The following RGSL1 variants were observed in gnomAD, a reference collection of about 807,000 sequenced individuals.
The protein encoded by RGSL1 is regulator of G protein signaling protein-like.
A neutral mutation model predicts 124.7 loss-of-function variants in RGSL1; 97 were observed. The observed-to-expected ratio is 0.78, with a 90% confidence interval of 0.66 to 0.92. The LOEUF (loss-of-function observed/expected upper bound fraction) is 0.92. Among genes scored for constraint, RGSL1 ranks in the 40% least tolerant of loss-of-function variants. The pLI is 0.00. For synonymous variants in RGSL1, 424 were observed against 438.1 expected (o/e 0.97, Z 0.40); for missense variants, 1,233 against 1,288.4 (o/e 0.96, Z 0.66).
At chr1:182,503,229 A>G (rs916648969) in intron 9 of RGSL1, among the ~76,000 whole-genome samples, 3 of 152,206 alleles carry the variant, frequency 2.0e-5, no homozygotes, top group Non-Finnish European at 4.4e-5. Flanking sequence ...ACTGTTCATG[A>G]TAGCCAAGAT....
At chr1:182,516,014 A>G (rs1000066014) in intron 9 of RGSL1, among the ~76,000 whole-genome samples, 4 of 152,240 alleles carry the variant, frequency 2.6e-5, no homozygotes, top group African/African-American at 9.6e-5. Context: ...TCAAACCGTG[A>G]AAGAAGAGAT....
intron 15 of RGSL1, among the ~76,000 whole-genome samples, chr1:182,541,910 T>A (rs1220324557): frequency 6.6e-6 from 1 of 152,218 alleles, no homozygotes; most frequent in South Asian, 2.1e-4. Context: ...TTTTGCACTT[T>A]AAAAAATCAG....
rs1302304253 is a variant in RGSL1 at position 182,454,932 on chromosome 1, G to A, written c.96+892G>A. Among the ~76,000 whole-genome samples the A allele has an allele frequency of 1.4e-4, 21 of 152,062 alleles. 2 individuals carry two copies. The highest frequency in any genetic ancestry group is 1.4e-3 in the Admixed American group (21 of 15,266). The stretch of plus-strand genomic sequence containing the variant: ...CCCATAAGATGGTATATACTAAAAG[G>A]CGAAATTTCAGTCAAGTGGGAGAAG... On this transcript the variant is annotated intron_variant, in intron 2 of 21. Coordinates refer to ENST00000294854, the MANE Select transcript of RGSL1 (RefSeq NM_001137669.2).
At chr1:182,549,219 A>G (rs1259036696) in intron 17 of RGSL1, 1 of 183,294 alleles carries the variant, frequency 5.5e-6, no homozygotes, top group Non-Finnish European at 1.2e-5. Context: ...AAAGTAAGCC[A>G]GAAGTGTTTT....
Position 182,518,649 on chromosome 1 carries a change from C to T in RGSL1, c.1826-3355C>T, listed in dbSNP as rs116962084. 5.7e-4 allele frequency among the ~76,000 whole-genome samples: 87 copies of T among 152,310 alleles called. 1 individual carries two copies. The East Asian group carries it at 0.016, about 28-fold the overall frequency. On this transcript the variant is annotated intron_variant, in intron 9 of 21. Coordinates refer to ENST00000294854, the MANE Select transcript of RGSL1 (RefSeq NM_001137669.2). ...GGAGAAGCTGCTTTTAAACCTCAAT[C>T]TCACTTTTTGCATTGTAGAAACAGC...
chr1:182,464,722 C>T (rs1172813316), intron 4 of RGSL1, among the ~76,000 whole-genome samples: 1 of 138,444 alleles, frequency 7.2e-6, no homozygotes, highest in African/African-American at 2.7e-5. Flanking sequence ...AGACTCTGCT[C>T]AGAAGAAAAA....
chr1:182,521,980 C>T, intron 9 of RGSL1, 24 bp from the exon 10 acceptor site: 1 of 1,439,080 alleles, frequency 6.9e-7, no homozygotes, highest in Non-Finnish European at 9.5e-7. Context: ...ATAGTGTTCT[C>T]CAACTTAGTG....
chr1:182,480,879 AT>A (rs1465069007), intron 6 of RGSL1, among the ~76,000 whole-genome samples: 1 of 152,216 alleles, frequency 6.6e-6, no homozygotes, highest in African/African-American at 2.4e-5. Context: ...CTCAAAAAAA[AT>A]CAAAAAGGGC....
intron 18 of RGSL1, among the ~76,000 whole-genome samples, chr1:182,551,934 G>C (rs1453618009): frequency 6.6e-6 from 1 of 152,144 alleles, no homozygotes; most frequent in Non-Finnish European, 1.5e-5. Context: ...GTAGCATGCT[G>C]TATAGGTTTG....
At chr1:182,464,527 C>T (rs992365497) in intron 4 of RGSL1, among the ~76,000 whole-genome samples, 1 of 152,004 alleles carries the variant, frequency 6.6e-6, no homozygotes, top group African/African-American at 2.4e-5. Context: ...AGCTCGAGAC[C>T]AGCCTGGCCA....
In RGSL1 at chr1:182,548,395, G is replaced by T. The variant is rs1323325862; in HGVS notation, c.2748G>T (p.Arg916=). 5 of 1,551,770 alleles carry T rather than the reference G, an allele frequency of 3.2e-6. No individual in the cohort carries two copies. The South Asian group carries it at 4.8e-5, about 15-fold the overall frequency. ...AYNENDVILM[R]SKMNIIQKLF... is the part of the protein sequence containing the mutation. ...ATGAGAATGATGTGATCCTAATGCGGTCCAAAATGAACATTATCCAAAAAC... is the reference window on the plus strand; with the variant it reads ...ATGAGAATGATGTGATCCTAATGCGTTCCAAAATGAACATTATCCAAAAAC... Residue 916 remains arginine, a synonymous_variant, in exon 16 of 22, where the codon CGG becomes CGT. Coordinates refer to ENST00000294854, the MANE Select transcript of RGSL1 (RefSeq NM_001137669.2).
intron 8 of RGSL1, among the ~76,000 whole-genome samples, chr1:182,490,915 CTTT>C (rs10676767): frequency 2.3e-5 from 3 of 129,030 alleles, no homozygotes. Context: ...AGAACATTAT[CTTT>C]TTTTTTTTTT....
At chr1:182,460,689 G>A (rs780271056) in intron 4 of RGSL1, 2 of 456,046 alleles carry the variant, frequency 4.4e-6, no homozygotes, top group South Asian at 3.1e-5. Flanking sequence ...GGAAGATGAT[G>A]AAATAGGAAG....
In RGSL1 at chr1:182,530,266, C is replaced by T. The variant is rs886185812; in HGVS notation, c.2148C>T (p.Ala716=). ...LSPEEMLQCD[A]PIIKEIASMR... is the part of the protein sequence containing the mutation. ...TAGAAGAAATGCTGCAGTGTGATGCCCCTATTATCAAAGAAATCGCTTCCA... is the reference window on the plus strand; with the variant it reads ...TAGAAGAAATGCTGCAGTGTGATGCTCCTATTATCAAAGAAATCGCTTCCA... Residue 716 remains alanine (A), a synonymous_variant, in exon 12 of 22, where the codon GCC becomes GCT. Coordinates refer to ENST00000294854, the MANE Select transcript of RGSL1 (RefSeq NM_001137669.2). The T allele has an allele frequency of 7.1e-6, 11 of 1,550,604 alleles. No homozygotes were observed. In the Admixed American group the frequency reaches 1.2e-4, roughly 17 times the overall value.
chr1:182,559,708 C>G (rs989428330), intron 21 of RGSL1, among the ~76,000 whole-genome samples: 1 of 152,158 alleles, frequency 6.6e-6, no homozygotes, highest in African/African-American at 2.4e-5. Flanking sequence ...CCAGGTTTAT[C>G]TTTTTCCTCT....
At position 182,489,191 on chromosome 1, in the gene RGSL1, T is replaced by C; in HGVS notation, c.1706T>C (p.Val569Ala). The change falls in exon 8 of 22, where the codon GTG (valine) becomes GCG (alanine). Residue 569 changes from valine (V) to alanine (A), a missense_variant. Physicochemically the swap from Val to Ala is moderately conservative, Grantham distance 64 (BLOSUM62 0). Transcript: ENST00000294854. The part of the protein sequence containing the change: ...GSLQVELTSP[V>A]FLTDITKMSF... Reference sequence around the variant, plus strand: ...CTCCAGGTAGAGCTGACATCTCCAGTGTTTCTAACAGGTCAGAGCAGTCAC... The same window carrying C: ...CTCCAGGTAGAGCTGACATCTCCAGCGTTTCTAACAGGTCAGAGCAGTCAC... 1 of 1,551,684 alleles carries C rather than the reference T, an allele frequency of 6.4e-7. No individual in the cohort carries two copies. The highest frequency in any genetic ancestry group is 8.7e-7 in the Non-Finnish European group (1 of 1,146,968).
intron 2 of RGSL1, among the ~76,000 whole-genome samples, chr1:182,456,463 A>G (rs1013821530): frequency 1.3e-5 from 2 of 152,086 alleles, no homozygotes; most frequent in Non-Finnish European, 2.9e-5. Flanking sequence ...CGCCCAGCTA[A>G]TCTTTTGTAT....
chr1:182,472,855 T>A (rs1653964804), intron 5 of RGSL1, among the ~76,000 whole-genome samples: 1 of 152,236 alleles, frequency 6.6e-6, no homozygotes, highest in African/African-American at 2.4e-5. Flanking sequence ...GTCTATGTAC[T>A]TTTGTAATTT....
intron 14 of RGSL1, among the ~76,000 whole-genome samples, chr1:182,539,919 A>G (rs1056470579): frequency 2.6e-5 from 4 of 152,100 alleles, no homozygotes; most frequent in Non-Finnish European, 5.9e-5. Context: ...AGTGTTACAC[A>G]CTCCATTTGG....
Sources: allele counts gnomAD v4.1 joint callset (sites outside exome capture counted in the v4.1 genomes callset), GRCh38; gene constraint gnomAD v4.1.1; transcripts MANE v1.5; gene names NCBI Gene and HGNC (gene_info 2026-07-23, HGNC 2026-07-21).